Variants in FAHD2A observed in about 807,000 individuals in gnomAD.
FAHD2A encodes the protein oxaloacetate tautomerase FAHD2A, mitochondrial.
FAHD2A carries 27 observed loss-of-function variants against 33.4 expected under a neutral mutation model. The ratio of observed to expected loss-of-function variants is 0.81; its 90% CI spans 0.60 to 1.11. The LOEUF is 1.11. Among genes scored for constraint, FAHD2A ranks in the 50% most tolerant of loss-of-function variants. The pLI is 0.00. For synonymous variants in FAHD2A, 130 were observed against 153.3 expected (o/e 0.85, Z 1.12); for missense variants, 296 against 395.0 (o/e 0.75, Z 2.12).
Position 95,410,922 on chromosome 2 carries a change from G to T in FAHD2A, c.581G>T (p.Arg194Leu), listed in dbSNP as rs770319428. The change falls in exon 5 of 8, where the codon CGT (arginine) becomes CTT (leucine). Residue 194 changes from arginine to leucine, a missense_variant. Coordinates refer to ENST00000233379, the MANE Select transcript of FAHD2A (RefSeq NM_016044.3). Reference sequence around the variant, plus strand: ...ACTGTGGCTCATGACGTGAGTGCTCGTGACTGGCAAATGAGACGTAATGGG... The same window carrying T: ...ACTGTGGCTCATGACGTGAGTGCTCTTGACTGGCAAATGAGACGTAATGGG... ...GFTVAHDVSARDWQMRRNGKQ... is the reference protein window; with the variant it reads ...GFTVAHDVSALDWQMRRNGKQ... 18 of 1,613,864 alleles carry T rather than the reference G, an allele frequency of 1.1e-5. No individual in the cohort carries two copies. Among genetic ancestry groups the T allele is most frequent in the Admixed American group, 1.7e-5 (1 of 60,000 alleles).
At chr2:95,418,742 A>G (rs1249790763), downstream of FAHD2A, among the ~76,000 whole-genome samples, 1 of 152,086 alleles carries the variant, frequency 6.6e-6, no homozygotes, top group Non-Finnish European at 1.5e-5. Context: ...TGTGGAATGA[A>G]ACCTAACTAC....
Position 95,414,957 on chromosome 2 carries a change from G to A in FAHD2A, c.*2000G>A, listed in dbSNP as rs749530176. On this transcript the variant is annotated 3_prime_UTR_variant, in exon 8 of 8. Transcript: ENST00000233379. Reference sequence around the variant, plus strand: ...TAACTCAGTAAGCAGATTAAACAAAGGTAGAGACGGAGCCCTCCACCCCTC... The same window carrying A: ...TAACTCAGTAAGCAGATTAAACAAAAGTAGAGACGGAGCCCTCCACCCCTC... The A allele has an allele frequency of 6.6e-6, 1 of 152,052 alleles. No individual in the cohort carries two copies. The highest frequency in any genetic ancestry group is 2.4e-5 in the African/African-American group (1 of 41,352). The allele number at this position is 152,052 out of a possible 1,614,324, so 9.4% of individuals were successfully genotyped here.
intron 3 of FAHD2A, among the ~76,000 whole-genome samples, chr2:95,408,376 G>T (rs1681959457): frequency 6.6e-6 from 1 of 152,182 alleles, no homozygotes; most frequent in Admixed American, 6.5e-5. Flanking sequence ...CTAGGACAGG[G>T]TTCCATAGAC....
downstream of FAHD2A, among the ~76,000 whole-genome samples, chr2:95,420,572 C>T (rs12620998): frequency 6.6e-6 from 1 of 151,200 alleles, no homozygotes; most frequent in Non-Finnish European, 1.5e-5. Context: ...TGTCTGGGCA[C>T]CTAACGAGAG....
intron 5 of FAHD2A, 100 bp downstream of exon 5, chr2:95,411,126 C>G (rs1682429347): frequency 1.3e-6 from 2 of 1,535,556 alleles, no homozygotes; most frequent in South Asian, 1.3e-5. Context: ...CCTGCCCTCC[C>G]TGGCCGCCCT....
chr2:95,410,977 C>T lies in FAHD2A; in HGVS notation c.636C>T (p.Asp212=), dbSNP rs150916987. The T allele has an allele frequency of 4.5e-5, 73 of 1,613,904 alleles. No homozygotes were observed. The highest frequency in any genetic ancestry group is 6.0e-5 in the Non-Finnish European group (71 of 1,179,876). The change falls in exon 5 of 8, where the codon GAC becomes GAT. Residue 212 remains aspartate, a synonymous_variant. Transcript: ENST00000233379. ...GKQWLLGKTF[D]TFCPLGPALV... ...AATGGCTGCTGGGAAAAACCTTCGA[C>T]ACCTTCTGCCCTCTGGGCCCTGCCT...
At chr2:95,405,244 G>A (rs1681338969) in intron 1 of FAHD2A, 2 of 318,304 alleles carry the variant, frequency 6.3e-6, no homozygotes, top group African/African-American at 4.2e-5. Flanking sequence ...GCAGGGCTGA[G>A]TTTCACCTAC....
intron 3 of FAHD2A, among the ~76,000 whole-genome samples, chr2:95,410,186 A>G (rs1228827073): frequency 6.6e-6 from 1 of 152,182 alleles, no homozygotes; most frequent in African/African-American, 2.4e-5. Flanking sequence ...AGGGTTACAT[A>G]TTGCTAGGGG....
At chr2:95,405,478 G>A in intron 1 of FAHD2A, 75 bp from the exon 2 acceptor site, 1 of 1,545,046 alleles carries the variant, frequency 6.5e-7, no homozygotes, top group Non-Finnish European at 8.7e-7. Flanking sequence ...TCGGGCTATA[G>A]CCCTAGGAAT....
intron 2 of FAHD2A, among the ~76,000 whole-genome samples, chr2:95,406,506 ACT>A (rs1238466769): frequency 6.6e-6 from 1 of 151,740 alleles, no homozygotes; most frequent in Admixed American, 6.6e-5. Context: ...TAAAGAGGAC[ACT>A]CTCTATGTAT....
chr2:95,413,141 C>G lies in FAHD2A; in HGVS notation c.*184C>G. On this transcript the variant is annotated 3_prime_UTR_variant, in exon 8 of 8. Coordinates refer to ENST00000233379, the MANE Select transcript of FAHD2A (RefSeq NM_016044.3). Reference sequence around the variant, plus strand: ...TCAGGTCAAAGCAGCAGCTTTGCTTCTGCTGTTTGTCTTCTTTTGGGCTTT... The same window carrying G: ...TCAGGTCAAAGCAGCAGCTTTGCTTGTGCTGTTTGTCTTCTTTTGGGCTTT... 9.0e-7 allele frequency: 1 copy of G among 1,107,100 alleles called. No homozygotes were observed. Among genetic ancestry groups the G allele is most frequent in the South Asian group, 1.6e-5 (1 of 61,672 alleles). 68.6% of individuals were successfully genotyped at this position (1,107,100 alleles called of 1,614,324 possible).
At chr2:95,409,958 G>A (rs1682205272) in intron 3 of FAHD2A, among the ~76,000 whole-genome samples, 2 of 152,150 alleles carry the variant, frequency 1.3e-5, no homozygotes, top group South Asian at 2.1e-4. Context: ...TCTGGATGTC[G>A]GGTGTACTTA....
Position 95,405,831 on chromosome 2 carries a change from A to C in FAHD2A, c.245+28A>C, listed in dbSNP as rs552172024. 3.3e-4 allele frequency: 513 copies of C among 1,550,798 alleles called. 1 individual carries two copies. Among genetic ancestry groups the C allele is most frequent in the South Asian group, 2.1e-3 (178 of 82,950 alleles). On this transcript the variant is annotated intron_variant, in intron 2 of 7. Transcript: ENST00000233379. ...AAGTAAGTGGGCAGCATCGCCCTGA[A>C]GCAGCTGCCCTGGTCCCCCTGCACC... is the stretch of plus-strand genomic sequence containing the variant.
At position 95,405,784 on chromosome 2, in the gene FAHD2A, A is replaced by G; in HGVS notation, c.226A>G (p.Thr76Ala). The G allele has an allele frequency of 6.2e-7, 1 of 1,612,678 alleles. No homozygotes were observed. Among genetic ancestry groups the G allele is most frequent in the Non-Finnish European group, 8.5e-7 (1 of 1,179,558 alleles). ...MTQFLEQGEA[T>A]LSVARRALAA... is the part of the protein sequence containing the mutation. ...GCAGTTCCTAGAGCAGGGAGAGGCC[A>G]CCCTCTCAGTGGCAAGAAGGTAAGT... is the stretch of plus-strand genomic sequence containing the variant. Residue 76 changes from threonine to alanine, a missense_variant, in exon 2 of 8, where the codon ACC (threonine) becomes GCC (alanine). Physicochemically the swap from Thr to Ala is moderately conservative, Grantham distance 58 (BLOSUM62 0). Transcript: ENST00000233379.
At chr2:95,406,046 C>A (rs1368340345) in intron 2 of FAHD2A, among the ~76,000 whole-genome samples, 1 of 151,454 alleles carries the variant, frequency 6.6e-6, no homozygotes, top group Non-Finnish European at 1.5e-5. Context: ...ACATGTGGTG[C>A]TGGAACCAGG....
At chr2:95,410,163 C>G (rs780755617) in intron 3 of FAHD2A, among the ~76,000 whole-genome samples, 11 of 152,164 alleles carry the variant, frequency 7.2e-5, no homozygotes, top group Non-Finnish European at 1.3e-4. Flanking sequence ...TAGAACAGTG[C>G]CTGACACACA....
At chr2:95,421,005 CTGTGTGTGTGTGTGTGTGTGTGTG>C (rs57970330), downstream of FAHD2A, among the ~76,000 whole-genome samples, 31 of 129,902 alleles carry the variant, frequency 2.4e-4, no homozygotes, top group Admixed American at 2.0e-3. Flanking sequence ...GAATGAACCT[CTGTGTGTGTGTGTGTGTGTGTGTG>C]TGTGTGTGTG....
Position 95,413,267 on chromosome 2 carries a change from A to G in FAHD2A, c.*310A>G. The G allele has an allele frequency of 7.5e-7, 1 of 1,340,828 alleles. No homozygotes were observed. Among genetic ancestry groups the G allele is most frequent in the East Asian group, 2.5e-5 (1 of 39,358 alleles). The allele number at this position is 1,340,828 out of a possible 1,614,324, so 83.1% of individuals were successfully genotyped here. ...ATGCTGCTGGGCTGGGGAAAAGACA[A>G]TTCGTGTCGTCCCCTTGTTTATCAC... On this transcript the variant is annotated 3_prime_UTR_variant, in exon 8 of 8. Transcript: ENST00000233379.
chr2:95,408,456 T>G (rs978642961), intron 3 of FAHD2A, among the ~76,000 whole-genome samples: 5 of 152,088 alleles, frequency 3.3e-5, no homozygotes, highest in Non-Finnish European at 4.4e-5. Flanking sequence ...CTGAGCAATT[T>G]ACAAAAAAAA....
Sources: allele counts gnomAD v4.1 joint callset (sites outside exome capture counted in the v4.1 genomes callset), GRCh38; gene constraint gnomAD v4.1.1; transcripts MANE v1.5; gene names NCBI Gene and HGNC (gene_info 2026-07-23, HGNC 2026-07-21).